The following CDH13 variants were observed in gnomAD, a reference collection of about 807,000 sequenced individuals.
CDH13 encodes the protein cadherin 13.
CDH13 carries 24 observed loss-of-function variants against 63.8 expected under a neutral mutation model. The observed-to-expected ratio is 0.38, with a 90% CI of 0.27 to 0.53. The LOEUF is 0.53. Among genes scored for constraint, CDH13 ranks in the 20% least tolerant of loss-of-function variants. The pLI, the probability that CDH13 is intolerant of heterozygous loss-of-function variation, is 0.85. For missense variants in CDH13, 1,049 were observed against 903.1 expected, an observed-to-expected ratio of 1.16 and a Z score of -2.07; for synonymous variants, 503 against 355.3, an observed-to-expected ratio of 1.42 and a Z score of -4.67.
intron 10 of CDH13, among the ~76,000 whole-genome samples, chr16:83,715,893 A>G (rs2150929336): frequency 6.6e-6 from 1 of 152,300 alleles, no homozygotes; most frequent in South Asian, 2.1e-4. Flanking sequence ...TGGGTGGGGA[A>G]AAAAACAACA....
intron 8 of CDH13, among the ~76,000 whole-genome samples, chr16:83,664,563 T>C (rs972587349): frequency 1.3e-5 from 2 of 150,648 alleles, no homozygotes; most frequent in Admixed American, 1.3e-4. Flanking sequence ...TGTATATATA[T>C]ATATATAGTG....
intron 1 of CDH13, among the ~76,000 whole-genome samples, chr16:82,834,334 C>T (rs183204883): frequency 6.6e-6 from 1 of 152,248 alleles, no homozygotes; most frequent in Non-Finnish European, 1.5e-5. Flanking sequence ...ATTTCAAAAC[C>T]ACCACGAGGA....
intron 10 of CDH13, among the ~76,000 whole-genome samples, chr16:83,728,027 A>T (rs1168811307): frequency 6.6e-6 from 1 of 152,202 alleles, no homozygotes; most frequent in Non-Finnish European, 1.5e-5. Context: ...AGCTTTTGAA[A>T]ACTGTGACTG....
At chr16:82,932,495 G>A (rs989023099) in intron 2 of CDH13, among the ~76,000 whole-genome samples, 15 of 152,136 alleles carry the variant, frequency 9.9e-5, no homozygotes, top group African/African-American at 3.6e-4. Flanking sequence ...TAAAATAGAG[G>A]ATAGGTCATT....
At chr16:82,957,097 C>G (rs1260927004) in intron 2 of CDH13, among the ~76,000 whole-genome samples, 1 of 152,152 alleles carries the variant, frequency 6.6e-6, no homozygotes, top group Non-Finnish European at 1.5e-5. Flanking sequence ...CCCCAGACAA[C>G]TCACCACCAC....
intron 4 of CDH13, among the ~76,000 whole-genome samples, chr16:83,190,754 C>A (rs35253263): frequency 0.17 from 25,270 of 152,132 alleles, 2,251 homozygotes; most frequent in African/African-American, 0.2. Flanking sequence ...AATTAGTTAA[C>A]CATTATGAAG....
chr16:82,846,578 T>C (rs1260865218), intron 1 of CDH13, among the ~76,000 whole-genome samples: 3 of 152,062 alleles, frequency 2.0e-5, no homozygotes, highest in African/African-American at 2.4e-5. Context: ...ACTGGAAAAA[T>C]TGAGATTTCG....
chr16:82,970,904 A>G (rs867619347), intron 2 of CDH13, among the ~76,000 whole-genome samples: 1 of 152,252 alleles, frequency 6.6e-6, no homozygotes, highest in Non-Finnish European at 1.5e-5. Context: ...CCAGTGCTTC[A>G]GTACTTACTC....
chr16:82,915,991 G>A (rs2041975690), intron 2 of CDH13, among the ~76,000 whole-genome samples: 1 of 151,904 alleles, frequency 6.6e-6, no homozygotes, highest in Non-Finnish European at 1.5e-5. Context: ...TCTGAGCAGA[G>A]ACTTTTGGGC....
At chr16:83,708,554 C>A (rs368079011) in intron 10 of CDH13, among the ~76,000 whole-genome samples, 1 of 152,188 alleles carries the variant, frequency 6.6e-6, no homozygotes. Context: ...GGCCTCTCTT[C>A]CTGCTAACCA....
chr16:83,525,314 C>T (rs1340752110), intron 7 of CDH13, among the ~76,000 whole-genome samples: 1 of 152,222 alleles, frequency 6.6e-6, no homozygotes, highest in Non-Finnish European at 1.5e-5. Flanking sequence ...GTCATGCACA[C>T]TGACTTATTT....
At chr16:82,780,600 T>C (rs546014810) in intron 1 of CDH13, among the ~76,000 whole-genome samples, 1 of 152,380 alleles carries the variant, frequency 6.6e-6, no homozygotes, top group East Asian at 1.9e-4. Context: ...TCATTTAAAA[T>C]AGAGTAGCAT....
intron 2 of CDH13, among the ~76,000 whole-genome samples, chr16:82,934,071 G>A (rs1274305089): frequency 6.6e-6 from 1 of 152,228 alleles, no homozygotes; most frequent in South Asian, 2.1e-4. Flanking sequence ...CAGTGCCCCA[G>A]TGGGGACTAT....
intron 5 of CDH13, among the ~76,000 whole-genome samples, chr16:83,302,271 C>T (rs2089767239): frequency 6.6e-6 from 1 of 152,194 alleles, no homozygotes; most frequent in Non-Finnish European, 1.5e-5. Context: ...TTATTGGTTA[C>T]TTTTAACCTC....
rs1017846344 is a variant in CDH13, at chr16:83,439,500, T to C, written c.782-46977T>C. On this transcript the variant is annotated intron_variant, in intron 6 of 13. Coordinates refer to ENST00000567109, the MANE Select transcript of CDH13 (RefSeq NM_001257.5). ...AAACTGAACCATTTCTCTGAATTGG[T>C]TGCTATTCGGAAGCATGGGTAGTTC... Among the ~76,000 whole-genome samples, 4 of 152,238 alleles carry C rather than the reference T, an allele frequency of 2.6e-5. No individual in the cohort carries two copies. In the East Asian group the frequency reaches 7.7e-4, roughly 29 times the overall value.
intron 4 of CDH13, among the ~76,000 whole-genome samples, chr16:83,186,666 A>T (rs1407131372): frequency 6.6e-6 from 1 of 152,186 alleles, no homozygotes; most frequent in Non-Finnish European, 1.5e-5. Flanking sequence ...CCACTGGGTT[A>T]AGGAGTTACA....
intron 1 of CDH13, among the ~76,000 whole-genome samples, chr16:82,815,862 A>C (rs979193522): frequency 6.6e-6 from 1 of 152,204 alleles, no homozygotes; most frequent in Admixed American, 6.5e-5. Context: ...ATTTAATTAT[A>C]GGCACTTTAA....
At chr16:82,994,152 A>G (rs1188245503) in intron 2 of CDH13, among the ~76,000 whole-genome samples, 2 of 152,122 alleles carry the variant, frequency 1.3e-5, no homozygotes, top group Non-Finnish European at 2.9e-5. Context: ...CTTCCCAAAC[A>G]TTTTAATGTG....
At chr16:82,710,552 A>AAT (rs1555537840) in intron 1 of CDH13, among the ~76,000 whole-genome samples, 1,431 of 63,608 alleles carry the variant, frequency 0.022, 49 homozygotes, top group Middle Eastern at 0.036. Flanking sequence ...AAAAAAAAAA[A>AAT]ATATATATAT....
Sources: gnomAD v4.1 joint callset for allele counts (sites outside exome capture counted in the v4.1 genomes callset) on GRCh38, gnomAD v4.1.1 for gene constraint, MANE v1.5 for transcripts, NCBI Gene and HGNC (gene_info 2026-07-23, HGNC 2026-07-21) for gene names.